The following HCK variants were observed in gnomAD, a reference collection of about 807,000 sequenced individuals.
The protein encoded by HCK is tyrosine-protein kinase HCK.
A neutral mutation model predicts 70.4 loss-of-function variants in HCK; 40 were observed. The ratio of observed to expected loss-of-function variants is 0.57; its 90% CI spans 0.44 to 0.74. HCK has a LOEUF of 0.74. Ranked by LOEUF, HCK falls within the 30% of genes least tolerant of loss-of-function variation. The pLI is 0.00. For missense variants in HCK, 568 were observed against 697.2 expected, an observed-to-expected ratio of 0.81 and a Z score of 2.09; for synonymous variants, 245 against 263.2, an observed-to-expected ratio of 0.93 and a Z score of 0.67.
At chr20:32,080,063 C>T (rs560951399) in intron 6 of HCK, among the ~76,000 whole-genome samples, 186 bp downstream of exon 6, 128 of 152,222 alleles carry the variant, frequency 8.4e-4, no homozygotes, top group Non-Finnish European at 1.4e-3. Context: ...CCTGGCTCTG[C>T]CCTTCTTATC....
chr20:32,059,584 T>C (rs6061143), intron 1 of HCK, among the ~76,000 whole-genome samples: 3,417 of 151,924 alleles, frequency 0.022, 117 homozygotes, highest in African/African-American at 0.078. Context: ...GATGCTATCA[T>C]GGCTCATGCA....
chr20:32,052,992 C>G (rs974138918), intron 1 of HCK, among the ~76,000 whole-genome samples: 2 of 152,084 alleles, frequency 1.3e-5, no homozygotes, highest in African/African-American at 4.8e-5. Context: ...CGGCTCTCTG[C>G]CCCTCCTCCC....
chr20:32,073,866 C>A, intron 4 of HCK, 48 bp downstream of exon 4: 1 of 1,090,002 alleles, frequency 9.2e-7, no homozygotes, highest in Non-Finnish European at 1.4e-6. Flanking sequence ...CTCCTCTACT[C>A]AACTATGTGC....
chr20:32,092,334 T>C (rs1181061861), intron 10 of HCK, among the ~76,000 whole-genome samples: 3 of 152,188 alleles, frequency 2.0e-5, no homozygotes, highest in Admixed American at 2.0e-4. Flanking sequence ...AAAACAGAGA[T>C]TATGATCATT....
chr20:32,100,123 G>A (rs975698558), intron 12 of HCK, among the ~76,000 whole-genome samples: 1 of 151,966 alleles, frequency 6.6e-6, no homozygotes, highest in Non-Finnish European at 1.5e-5. Flanking sequence ...GTGCAGCCTG[G>A]TCTCTAACTT....
intron 11 of HCK, among the ~76,000 whole-genome samples, chr20:32,094,598 G>A (rs2045908462): frequency 6.6e-6 from 1 of 151,644 alleles, no homozygotes; most frequent in African/African-American, 2.4e-5. Context: ...TAGGGTGAGA[G>A]GATCACTTGA....
intron 1 of HCK, among the ~76,000 whole-genome samples, chr20:32,062,342 C>T (rs2122487816): frequency 6.6e-6 from 1 of 152,276 alleles, no homozygotes; most frequent in Non-Finnish European, 1.5e-5. Flanking sequence ...TCAAACTGCC[C>T]TGCCTCCTGC....
chr20:32,055,478 A>G (rs2045256898), intron 1 of HCK, among the ~76,000 whole-genome samples: 1 of 152,198 alleles, frequency 6.6e-6, no homozygotes, highest in Admixed American at 6.5e-5. Flanking sequence ...AATGCTACAC[A>G]TAGATTATTT....
At chr20:32,086,586 A>G in intron 8 of HCK, 42 bp from the exon 9 acceptor site, 2 of 1,536,014 alleles carry the variant, frequency 1.3e-6, no homozygotes, top group Non-Finnish European at 1.8e-6. Flanking sequence ...ACGGGAGACC[A>G]GTGGGCTCTG....
chr20:32,071,831 C>T, intron 2 of HCK, 49 bp downstream of exon 2: 1 of 1,594,998 alleles, frequency 6.3e-7, no homozygotes, highest in East Asian at 2.2e-5. Flanking sequence ...GATGCTGCCC[C>T]AACATTGCCC....
intron 9 of HCK, 134 bp downstream of exon 9, chr20:32,086,941 T>C: frequency 1.3e-6 from 1 of 741,504 alleles, no homozygotes; most frequent in Non-Finnish European, 2.1e-6. Flanking sequence ...CAAGTACTCA[T>C]TGAGAATCTA....
Position 32,084,466 on chromosome 20 carries a change from A to G in HCK, c.758A>G (p.Asp253Gly), listed in dbSNP as rs1255552159. 6.2e-7 allele frequency: 1 copy of G among 1,614,028 alleles called. No homozygotes were observed. The highest frequency in any genetic ancestry group is 8.5e-7 in the Non-Finnish European group (1 of 1,180,030). Reference sequence around the variant, plus strand: ...AAGCCCCAGAAGCCTTGGGAGAAAGATGCCTGGGAGATCCCTCGGGAATCC... The same window carrying G: ...AAGCCCCAGAAGCCTTGGGAGAAAGGTGCCTGGGAGATCCCTCGGGAATCC... The change falls in exon 8 of 13, where the codon GAT becomes GGT. Residue 253 changes from aspartate to glycine, a missense_variant. By Grantham distance (94) the Asp-to-Gly change is moderately conservative. This residue lies in a region of HCK where 13 missense variants were observed against 38.8 expected (regional missense o/e 0.34). Coordinates refer to ENST00000375852, the MANE Select transcript of HCK (RefSeq NM_002110.5).
chr20:32,082,583 A>T (rs1272077427), intron 6 of HCK, among the ~76,000 whole-genome samples: 1 of 152,146 alleles, frequency 6.6e-6, no homozygotes, highest in African/African-American at 2.4e-5. Context: ...CAGAGATTGC[A>T]GTGAGCCAAG....
chr20:32,052,492 T>A lies in HCK; in HGVS notation c.62+6T>A. On this transcript the variant is annotated splice_donor_region_variant and intron_variant, in intron 1 of 12. Coordinates refer to ENST00000375852, the MANE Select transcript of HCK (RefSeq NM_002110.5). ...GACGAGGAGCGGGCGCCCAGGTGAG[T>A]GCCGCGCACAGGGGACCGGGAATAC... 1 of 1,264,242 alleles carries A rather than the reference T, an allele frequency of 7.9e-7. No homozygotes were observed. Among genetic ancestry groups the A allele is most frequent in the Non-Finnish European group, 1.0e-6 (1 of 996,948 alleles). The allele number at this position is 1,264,242 out of a possible 1,614,324, so 78.3% of individuals were successfully genotyped here. A position where few individuals can be genotyped will look rare whatever the true frequency, so the allele number is the denominator to read the frequency against.
At position 32,101,537 on chromosome 20, in the gene HCK, G is replaced by A. The variant is rs943499568; in HGVS notation, c.*18G>A. On this transcript the variant is annotated 3_prime_UTR_variant, in exon 13 of 13. Transcript: ENST00000375852. ...AGCCATGATAGGGAGGACCAGGGCA[G>A]GGCCAGGGGGTGCCCAGGTGGTGGC... 6.2e-7 allele frequency: 1 copy of A among 1,600,050 alleles called. No individual in the cohort carries two copies. The highest frequency in any genetic ancestry group is 1.1e-5 in the South Asian group (1 of 89,876).
intron 4 of HCK, 121 bp from the exon 5 acceptor site, chr20:32,074,502 T>C: frequency 2.8e-6 from 2 of 722,718 alleles, no homozygotes; most frequent in Admixed American, 3.8e-5. Flanking sequence ...GTCACAGCCC[T>C]GTCCTTCACC....
chr20:32,086,945 G>A (rs2122588589), intron 9 of HCK, 138 bp downstream of exon 9: 1 of 727,864 alleles, frequency 1.4e-6, no homozygotes, highest in Admixed American at 3.3e-5. Flanking sequence ...TACTCATTGA[G>A]AATCTAATGT....
intron 8 of HCK, among the ~76,000 whole-genome samples, chr20:32,086,318 T>G (rs1485786493): frequency 6.6e-6 from 1 of 152,176 alleles, no homozygotes; most frequent in Non-Finnish European, 1.5e-5. Flanking sequence ...TTAGAGCTAT[T>G]TTTAAATCCT....
intron 5 of HCK, among the ~76,000 whole-genome samples, chr20:32,078,685 C>T (rs1052557267): frequency 9.2e-5 from 14 of 151,568 alleles, no homozygotes; most frequent in Non-Finnish European, 1.9e-4. Flanking sequence ...GGTAAAACCC[C>T]GTCTCTACTA....
Sources: gnomAD v4.1 joint callset for allele counts (sites outside exome capture counted in the v4.1 genomes callset) on GRCh38, gnomAD v4.1.1 for gene constraint, gnomAD v4.1.1 regional missense constraint, MANE v1.5 for transcripts, NCBI Gene and HGNC (gene_info 2026-07-23, HGNC 2026-07-21) for gene names.